MUC6: variants seen among roughly 807,000 people sequenced by gnomAD.
The protein encoded by MUC6 is mucin 6, oligomeric mucus/gel-forming (gene/pseudogene).
A neutral mutation model predicts 201.5 loss-of-function variants in MUC6; 188 were observed. The observed-to-expected ratio is 0.93, with a 90% confidence interval of 0.83 to 1.05. The LOEUF (loss-of-function observed/expected upper bound fraction) is 1.05, where lower values mean the gene tolerates loss of function less well. Ranked by LOEUF, MUC6 falls within the 50% of genes least tolerant of loss-of-function variation. The pLI is 0.00. For missense variants in MUC6, 2,706 were observed against 3,256.9 expected (o/e 0.83, Z 4.12); for synonymous variants, 1,228 against 1,389.4 (o/e 0.88, Z 2.58).
chr11:1,020,363 C>T, intron 28 of MUC6, 106 bp from the exon 29 acceptor site: 1 of 1,399,756 alleles, frequency 7.1e-7, no homozygotes, highest in Non-Finnish European at 9.6e-7. Context: ...CCTGCAGGGG[C>T]CAATGATGTG....
In MUC6 at chr11:1,028,385, G is replaced by A. The variant is rs770776991; in HGVS notation, c.1594C>T (p.Leu532Phe). The change falls in exon 14 of 33, where the codon CTC (leucine) becomes TTC (phenylalanine). Residue 532 changes from leucine to phenylalanine, a missense_variant and splice_region_variant. This residue lies in a region of MUC6 where 1,850 missense variants were observed against 1,958.3 expected (regional missense o/e 0.94). Transcript: ENST00000421673. ...GTGTCCCCGTTGAAGTTGCCGCAGA[G>A]CCCTGAGCCGGCGGGGCGTGAGCTC... Reference protein sequence around the residue: ...GPQFRGQTRGLCGNFNGDTTD... With the variant: ...GPQFRGQTRGFCGNFNGDTTD... 1 of 1,611,812 alleles carries A rather than the reference G, an allele frequency of 6.2e-7. No homozygotes were observed. Among genetic ancestry groups the A allele is most frequent in the East Asian group, 2.2e-5 (1 of 44,880 alleles).
rs763080853 is a variant in MUC6 at position 1,017,629 on chromosome 11, T to C, written c.5172A>G (p.Pro1724=). 2.4e-5 allele frequency: 12 copies of C among 491,026 alleles called. No individual in the cohort carries two copies. The highest frequency in any genetic ancestry group is 3.3e-5 in the Non-Finnish European group (12 of 359,066). The allele number at this position is 491,026 out of a possible 1,614,324, so 30.4% of individuals were successfully genotyped here. A position where few individuals can be genotyped will look rare whatever the true frequency, so the allele number is the denominator to read the frequency against. Residue 1724 remains proline (P), a synonymous_variant, in exon 31 of 33, where the codon CCA becomes CCG. Transcript: ENST00000421673. ...TCCCACTGGTGGTCACTGTCATTGG[T>C]GGGGTTCCTGTACTGGTGGGGTTGG... is the stretch of plus-strand genomic sequence containing the variant. The part of the protein sequence containing the change: ...ITPNPTSTGT[P]PMTVTTSGTS...
At position 1,012,880 on chromosome 11, in the gene MUC6, G is replaced by A; in HGVS notation, c.*576C>T. The A allele has an allele frequency of 6.5e-6, 1 of 154,594 alleles. No individual in the cohort carries two copies. The highest frequency in any genetic ancestry group is 1.4e-5 in the Non-Finnish European group (1 of 69,524). The allele number at this position is 154,594 out of a possible 1,614,324, so 9.6% of individuals were successfully genotyped here. A position where few individuals can be genotyped will look rare whatever the true frequency, so the allele number is the denominator to read the frequency against. On this transcript the variant is annotated 3_prime_UTR_variant, in exon 33 of 33. Coordinates refer to ENST00000421673, the MANE Select transcript of MUC6 (RefSeq NM_005961.3). ...CTGACCGGGTGACGCCCTCTCCCAA[G>A]GACAGGCTGCTGGGGATGGGTGTGG...
In MUC6 at chr11:1,013,922, C is replaced by T. The variant is rs61744477; in HGVS notation, c.7119G>A (p.Glu2373=). 2,757 of 1,606,986 alleles carry T rather than the reference C, an allele frequency of 1.7e-3. 58 individuals carry two copies. In the African/African-American group the frequency reaches 0.033, roughly 19 times the overall value. The change falls in exon 32 of 33, where the codon GAG becomes GAA. Residue 2373 remains glutamate (E), a synonymous_variant. Coordinates refer to ENST00000421673, the MANE Select transcript of MUC6 (RefSeq NM_005961.3). ...ACCTGGCAGCGGAAATGCAGGCGCC[C>T]TCACAGCGGGTTACCGTCACGTTCG... ...CMANVTVTRC[E]GACISAASFN...
rs115737130 is a variant in MUC6 at position 1,033,538 on chromosome 11, T to C, written c.53-463A>G. Reference sequence around the variant, plus strand: ...GCCCCACAGCCGGTTCTCCCTGCTCTCGGTGGCTCCGGGGCTCTAAACATG... The same window carrying C: ...GCCCCACAGCCGGTTCTCCCTGCTCCCGGTGGCTCCGGGGCTCTAAACATG... On this transcript the variant is annotated intron_variant, in intron 1 of 32. Coordinates refer to ENST00000421673, the MANE Select transcript of MUC6 (RefSeq NM_005961.3). The surrounding 1 kb of genome is among the most constrained non-coding windows in gnomAD (Gnocchi z 5.6). Among the ~76,000 whole-genome samples the C allele has an allele frequency of 0.035, 5,274 of 151,734 alleles. 310 individuals are homozygous for C. Among genetic ancestry groups the C allele is most frequent in the African/African-American group, 0.12 (4,906 of 41,426 alleles).
rs1344690616 is a variant in MUC6 at position 1,025,721 on chromosome 11, G to A, written c.2799+84C>T. On this transcript the variant is annotated intron_variant, in intron 22 of 32. Transcript: ENST00000421673. ...GGGCTGCATCTCGGGGCAGGACCTG[G>A]AGGCTCCAGTGCGCGGGATCCAGCT... 2.3e-6 allele frequency: 3 copies of A among 1,291,290 alleles called. No homozygotes were observed. In the Admixed American group the frequency reaches 5.9e-5, roughly 25 times the overall value. 80.0% of individuals were successfully genotyped at this position (1,291,290 alleles called of 1,614,324 possible).
intron 4 of MUC6, 97 bp downstream of exon 4, chr11:1,031,510 G>A (rs1857104055): frequency 6.7e-7 from 1 of 1,498,590 alleles, no homozygotes. Context: ...CAGCCTGAGG[G>A]CTGGCTGGGA....
intron 26 of MUC6, among the ~76,000 whole-genome samples, chr11:1,022,898 ATGAATGTGCGTGAATGTGCATGAG>A (rs1856849550): frequency 1.3e-5 from 2 of 151,666 alleles, no homozygotes; most frequent in South Asian, 4.2e-4. Context: ...TGAATGTTGA[ATGAATGTGCGTGAATGTGCATGAG>A]TGAATGTGCG....
Position 1,016,462 on chromosome 11 carries a change from G to C in MUC6, c.6339C>G (p.His2113Gln). Residue 2113 changes from histidine (H) to glutamine (Q), a missense_variant, in exon 31 of 33, where the codon CAC (histidine) becomes CAG (glutamine). By Grantham distance (24) the His-to-Gln change is conservative (BLOSUM62 0). Coordinates refer to ENST00000421673, the MANE Select transcript of MUC6 (RefSeq NM_005961.3). ...PSSPITTQLP[H>Q]LSSATTPVST... Reference sequence around the variant, plus strand: ...AAACAGGAGTGGTTGCAGAACTCAAGTGGGGGAGTTGTGTGGTGATAGGTG... The same window carrying C: ...AAACAGGAGTGGTTGCAGAACTCAACTGGGGGAGTTGTGTGGTGATAGGTG... 2 of 1,613,808 alleles carry C rather than the reference G, an allele frequency of 1.2e-6. No individual in the cohort carries two copies. Among genetic ancestry groups the C allele is most frequent in the South Asian group, 1.1e-5 (1 of 91,064 alleles).
At position 1,031,202 on chromosome 11, in the gene MUC6, C is replaced by T. The variant is rs139011641; in HGVS notation, c.541G>A (p.Gly181Arg). Residue 181 changes from glycine to arginine, a missense_variant, in exon 5 of 33, where the codon GGG (glycine) becomes AGG (arginine). Gly to Arg is a moderately radical substitution (Grantham distance 125, BLOSUM62 -2). This residue lies in a region of MUC6 where 1,850 missense variants were observed against 1,958.3 expected (regional missense o/e 0.94). Transcript: ENST00000421673. ...CTGACAAACTCGTTGGTCACCTTCC[C>T]GTCAAAGTTCCCGCAGAGCCCGCAC... is the stretch of plus-strand genomic sequence containing the variant. ...QMCGLCGNFD[G>R]KVTNEFVSEE... is the part of the protein sequence containing the mutation. 3,553 of 1,582,304 alleles carry T rather than the reference C, an allele frequency of 2.2e-3. 44 individuals carry two copies. The highest frequency in any genetic ancestry group is 0.016 in the Middle Eastern group (94 of 5,954).
chr11:1,013,946 C>A lies in MUC6; in HGVS notation c.7095G>T (p.Ala2365=). 20 of 1,609,056 alleles carry A rather than the reference C, an allele frequency of 1.2e-5. No homozygotes were observed. Among genetic ancestry groups the A allele is most frequent in the East Asian group, 2.2e-5 (1 of 44,742 alleles). ...QEEITFKGCM[A]NVTVTRCEGA... is the part of the protein sequence containing the mutation. ...CCTCACAGCGGGTTACCGTCACGTT[C>A]GCCATGCACCCCTTGAACGTGATCT... is the stretch of plus-strand genomic sequence containing the variant. The change falls in exon 32 of 33, where the codon GCG becomes GCT. Residue 2365 remains alanine, a synonymous_variant. Coordinates refer to ENST00000421673, the MANE Select transcript of MUC6 (RefSeq NM_005961.3).
At chr11:1,030,129 G>C (rs903475873) in intron 8 of MUC6, 84 bp downstream of exon 8, 5 of 1,433,130 alleles carry the variant, frequency 3.5e-6, no homozygotes, top group Non-Finnish European at 3.7e-6. Flanking sequence ...GACCTGGGTC[G>C]GGGTGGGTGG....
At position 1,030,612 on chromosome 11, in the gene MUC6, C is replaced by G; in HGVS notation, c.853G>C (p.Gly285Arg). 1.3e-6 allele frequency: 2 copies of G among 1,534,482 alleles called. No individual in the cohort carries two copies. Among genetic ancestry groups the G allele is most frequent in the Non-Finnish European group, 1.8e-6 (2 of 1,140,308 alleles). The change falls in exon 7 of 33, where the codon GGC becomes CGC. Residue 285 changes from glycine to arginine, a missense_variant. Physicochemically the swap from Gly to Arg is moderately radical, Grantham distance 125. This residue lies in a region of MUC6 where 1,850 missense variants were observed against 1,958.3 expected (regional missense o/e 0.94). Transcript: ENST00000421673. ...CTCCGCCAGCGGCGGACCGGCTGGC[C>G]CACCATGCTGCACTGGCGGGAGTAC... ...SEYSRQCSMV[G>R]QPVRRWRSPG...
intron 4 of MUC6, 64 bp from the exon 5 acceptor site, chr11:1,031,323 T>A (rs1057188704): frequency 9.1e-6 from 13 of 1,429,822 alleles, no homozygotes; most frequent in Non-Finnish European, 1.2e-5. Context: ...TGTGGAGGGC[T>A]CTCAGTTCCT....
intron 30 of MUC6, 85 bp from the exon 31 acceptor site, chr11:1,018,855 C>G (rs1386620057): frequency 6.7e-7 from 1 of 1,487,070 alleles, no homozygotes; most frequent in African/African-American, 1.4e-5. Flanking sequence ...GTCTATGTGA[C>G]CTTTTTCTTG....
Position 1,021,790 on chromosome 11 carries a change from C to A in MUC6, c.3527-513G>T, listed in dbSNP as rs58884733. 1.5e-3 allele frequency among the ~76,000 whole-genome samples: 225 copies of A among 152,234 alleles called. 1 individual carries two copies. The highest frequency in any genetic ancestry group is 5.3e-3 in the African/African-American group (218 of 41,516). ...CTCACCTCCCCCTGGACCTCAGACA[C>A]TGGCCCCTCTTCTGTGCTCCCCGAT... is the stretch of plus-strand genomic sequence containing the variant. On this transcript the variant is annotated intron_variant, in intron 26 of 32. Transcript: ENST00000421673.
At chr11:1,031,359 T>TCC in intron 4 of MUC6, 100 bp from the exon 5 acceptor site, 1 of 1,207,628 alleles carries the variant, frequency 8.3e-7, no homozygotes, top group Middle Eastern at 2.7e-4. Flanking sequence ...GCCCCCACCA[T>TCC]CCCCCCACCT....
At chr11:1,015,226 C>T (rs1421133595) in intron 31 of MUC6, among the ~76,000 whole-genome samples, 3 of 38 alleles carry the variant, frequency 0.079, no homozygotes, top group African/African-American at 0.21. Context: ...CGGGAAGAGA[C>T]CGTGGCCCAG....
At chr11:1,026,588 A>G in intron 19 of MUC6, 110 bp from the exon 20 acceptor site, 1 of 1,269,928 alleles carries the variant, frequency 7.9e-7, no homozygotes, top group Non-Finnish European at 1.1e-6. Context: ...CTCTCCCTGA[A>G]TACAGCCCTG....
Sources: allele counts gnomAD v4.1 joint callset (sites outside exome capture counted in the v4.1 genomes callset), GRCh38; gene constraint gnomAD v4.1.1; regional missense constraint gnomAD v4.1.1; non-coding constraint Gnocchi (gnomAD v3.1); transcripts MANE v1.5; gene names NCBI Gene and HGNC (gene_info 2026-07-23, HGNC 2026-07-21).